Variants in GATAD2A observed in about 807,000 individuals in gnomAD.
GATAD2A encodes transcriptional repressor p66-alpha.
A neutral mutation model predicts 68.5 loss-of-function variants in GATAD2A; 12 were observed. That is an observed-to-expected ratio of 0.18 (90% CI 0.11 to 0.28). GATAD2A has a LOEUF of 0.28. GATAD2A is among the 10% of genes least tolerant of loss of function. The probability of loss-of-function intolerance (pLI) is 1.00; values close to 1 mark genes in which losing one functional copy is unlikely to be tolerated. For missense variants in GATAD2A, 755 were observed against 868.5 expected (o/e 0.87, Z 1.64); for synonymous variants, 410 against 375.3 (o/e 1.09, Z -1.07).
intron 2 of GATAD2A, among the ~76,000 whole-genome samples, chr19:19,488,738 C>T (rs1239326925): frequency 1.3e-5 from 2 of 152,190 alleles, no homozygotes; most frequent in African/African-American, 4.8e-5. Context: ...AGACCATTTA[C>T]GCTGATAACA....
chr19:19,501,854 C>A, intron 9 of GATAD2A, 115 bp from the exon 10 acceptor site: 1 of 742,276 alleles, frequency 1.3e-6, no homozygotes, highest in Non-Finnish European at 2.3e-6. Context: ...CTCAAGATCC[C>A]CACTTGGCGC....
intron 2 of GATAD2A, among the ~76,000 whole-genome samples, chr19:19,489,626 C>T (rs2059654672): frequency 6.6e-6 from 1 of 152,226 alleles, no homozygotes; most frequent in Admixed American, 6.5e-5. Context: ...GCTTCAGCTG[C>T]TAGGTGGTCT....
intron 2 of GATAD2A, among the ~76,000 whole-genome samples, chr19:19,483,741 A>C: frequency 6.7e-6 from 1 of 149,304 alleles, no homozygotes; most frequent in Non-Finnish European, 1.5e-5. Flanking sequence ...CAGCCTCCCG[A>C]GTAGCTGGGA....
At chr19:19,450,217 C>T (rs577617442) in intron 1 of GATAD2A, among the ~76,000 whole-genome samples, 243 of 152,336 alleles carry the variant, frequency 1.6e-3, no homozygotes, top group African/African-American at 5.4e-3. Flanking sequence ...AGCTTATATT[C>T]GTGGGTCATT....
chr19:19,459,094 C>T (rs992341829), intron 1 of GATAD2A, among the ~76,000 whole-genome samples: 6 of 152,196 alleles, frequency 3.9e-5, no homozygotes, highest in Admixed American at 3.9e-4. Context: ...GCATGTGCCA[C>T]TGTGCCTGGC....
chr19:19,461,276 T>G (rs971696422), intron 1 of GATAD2A, among the ~76,000 whole-genome samples: 1 of 152,176 alleles, frequency 6.6e-6, no homozygotes, highest in African/African-American at 2.4e-5. Context: ...AGATGGCATT[T>G]TATGGTAGAG....
intron 1 of GATAD2A, among the ~76,000 whole-genome samples, chr19:19,460,327 C>G (rs909252031): frequency 6.6e-6 from 1 of 152,216 alleles, no homozygotes; most frequent in Non-Finnish European, 1.5e-5. Context: ...CAGGGGCGCT[C>G]TGGAGGTGGG....
intron 2 of GATAD2A, among the ~76,000 whole-genome samples, chr19:19,485,186 T>C (rs1317778494): frequency 6.6e-6 from 1 of 152,222 alleles, no homozygotes; most frequent in Non-Finnish European, 1.5e-5. Flanking sequence ...CTTTCCCTGC[T>C]TTGTCCCAGG....
intron 1 of GATAD2A, among the ~76,000 whole-genome samples, chr19:19,459,235 C>T (rs757227883): frequency 6.6e-6 from 1 of 152,180 alleles, no homozygotes; most frequent in East Asian, 1.9e-4. Context: ...TCAAGCAATA[C>T]AGAAATGTTT....
At chr19:19,455,815 T>C (rs1012703734) in intron 1 of GATAD2A, among the ~76,000 whole-genome samples, 53 of 152,184 alleles carry the variant, frequency 3.5e-4, no homozygotes, top group African/African-American at 1.2e-3. Flanking sequence ...AGAGACTAAA[T>C]GGCCCGCAGA....
At chr19:19,469,019 C>A (rs1018817291) in intron 2 of GATAD2A, among the ~76,000 whole-genome samples, 7 of 152,158 alleles carry the variant, frequency 4.6e-5, no homozygotes, top group African/African-American at 1.7e-4. Context: ...AATATTGGAG[C>A]AAAATTTCTG....
chr19:19,440,441 T>C (rs1292268962), intron 1 of GATAD2A: 4 of 224,558 alleles, frequency 1.8e-5, no homozygotes, highest in Admixed American at 5.5e-5. Flanking sequence ...CTGCTAATTT[T>C]TTATATTTTT....
intron 1 of GATAD2A, among the ~76,000 whole-genome samples, chr19:19,386,545 C>A (rs1432125486): frequency 6.6e-6 from 1 of 151,850 alleles, no homozygotes; most frequent in Non-Finnish European, 1.5e-5. Context: ...TCCCATCTCT[C>A]CAGGCAGGGG....
At chr19:19,502,903 G>A (rs994873928) in intron 11 of GATAD2A, among the ~76,000 whole-genome samples, 3 of 152,146 alleles carry the variant, frequency 2.0e-5, no homozygotes, top group African/African-American at 4.8e-5. Flanking sequence ...TCTTTTTTCT[G>A]TCATTGTGCC....
At chr19:19,418,480 A>G (rs942788037) in intron 1 of GATAD2A, among the ~76,000 whole-genome samples, 4 of 152,218 alleles carry the variant, frequency 2.6e-5, no homozygotes, top group African/African-American at 9.6e-5. Flanking sequence ...AGTTCGAGGA[A>G]CACAGACTTG....
intron 1 of GATAD2A, chr19:19,440,626 A>G: frequency 6.5e-6 from 1 of 153,246 alleles, no homozygotes; most frequent in East Asian, 1.9e-4. Context: ...TGGAGAGGGC[A>G]CTGGGAGACT....
intron 1 of GATAD2A, among the ~76,000 whole-genome samples, chr19:19,410,615 A>C (rs770340521): frequency 6.6e-6 from 1 of 152,220 alleles, no homozygotes; most frequent in Non-Finnish European, 1.5e-5. Context: ...CTTCGAGCAC[A>C]CACTTTAAAA....
intron 5 of GATAD2A, 140 bp downstream of exon 5, chr19:19,494,523 C>G (rs1296036381): frequency 1.7e-6 from 1 of 586,672 alleles, no homozygotes; most frequent in Non-Finnish European, 3.1e-6. Flanking sequence ...GGAGTGAGGC[C>G]CTCCAGCCCA....
At chr19:19,417,534 C>T (rs1426152896) in intron 1 of GATAD2A, among the ~76,000 whole-genome samples, 2 of 152,056 alleles carry the variant, frequency 1.3e-5, no homozygotes, top group East Asian at 3.8e-4. Flanking sequence ...TGGAGTTGGC[C>T]ATTCACCCTC....
Sources: gnomAD v4.1 joint callset for allele counts (sites outside exome capture counted in the v4.1 genomes callset) on GRCh38, gnomAD v4.1.1 for gene constraint, MANE v1.5 for transcripts, NCBI Gene and HGNC (gene_info 2026-07-23, HGNC 2026-07-21) for gene names.